Variants in MDGA2 observed in about 807,000 individuals in gnomAD.
MDGA2 encodes MAM domain containing glycosylphosphatidylinositol anchor 2, also known as MAM domain-containing glycosylphosphatidylinositol anchor protein 2.
In MDGA2, 40 loss-of-function variants were observed where a neutral mutation model predicts 117.8. The observed-to-expected ratio is 0.34, with a 90% CI of 0.26 to 0.44. The LOEUF (loss-of-function observed/expected upper bound fraction) is 0.44. Among genes scored for constraint, MDGA2 ranks in the 20% least tolerant of loss-of-function variants. The probability of loss-of-function intolerance (pLI) is 1.00; values close to 1 mark genes in which losing one functional copy is unlikely to be tolerated. For missense variants in MDGA2, 1,123 were observed against 1,250.6 expected (o/e 0.90, Z 1.54); for synonymous variants, 452 against 439.0 (o/e 1.03, Z -0.37).
At chr14:47,652,610 A>G (rs1196311217) in intron 1 of MDGA2, among the ~76,000 whole-genome samples, 1 of 152,178 alleles carries the variant, frequency 6.6e-6, no homozygotes, top group Non-Finnish European at 1.5e-5. Flanking sequence ...AAATTTCATT[A>G]AAGTTTCAGG....
Position 46,841,178 on chromosome 14 carries a change from G to GT in MDGA2, c.*752dup, listed in dbSNP as rs1435342063. The GT allele has an allele frequency of 1.3e-5, 2 of 152,576 alleles. No homozygotes were observed. The highest frequency in any genetic ancestry group is 2.9e-5 in the Non-Finnish European group (2 of 68,030). The allele number at this position is 152,576 out of a possible 1,614,324, so 9.5% of individuals were successfully genotyped here. A position where few individuals can be genotyped will look rare whatever the true frequency, so the allele number is the denominator to read the frequency against. On this transcript the variant is annotated 3_prime_UTR_variant, in exon 17 of 17. Transcript: ENST00000399232. The stretch of plus-strand genomic sequence containing the variant: ...TTTCTTCATTGGAACAGATGACGTA[G>GT]TTTGGGTGTTCAAGTGGCCGCAAGC...
chr14:47,448,889 C>A (rs1893182551), intron 1 of MDGA2, among the ~76,000 whole-genome samples: 1 of 151,982 alleles, frequency 6.6e-6, no homozygotes, highest in African/African-American at 2.4e-5. Context: ...TAGTTAGTGT[C>A]AGAATTTCAT....
chr14:47,637,731 T>G lies in MDGA2; in HGVS notation c.280+36786A>C, dbSNP rs113175909. Among the ~76,000 whole-genome samples the G allele has an allele frequency of 7.9e-5, 12 of 152,334 alleles. 2 individuals are homozygous for G. The highest frequency in any genetic ancestry group is 2.6e-4 in the African/African-American group (11 of 41,592). The stretch of plus-strand genomic sequence containing the variant: ...TAGAAAATGTTATCCAAATTGTAAG[T>G]GCAAGTTAGTTTTTAGATAGTGTCA... On this transcript the variant is annotated intron_variant, in intron 1 of 16. Transcript: ENST00000399232.
At chr14:47,670,228 A>C (rs1163025222) in intron 1 of MDGA2, among the ~76,000 whole-genome samples, 1 of 152,180 alleles carries the variant, frequency 6.6e-6, no homozygotes. Flanking sequence ...ATTTTTGGAC[A>C]GTGAATTAAC....
At chr14:47,252,026 C>G (rs1168913101) in intron 2 of MDGA2, among the ~76,000 whole-genome samples, 1 of 151,980 alleles carries the variant, frequency 6.6e-6, no homozygotes, top group African/African-American at 2.4e-5. Context: ...AGTGACCTTT[C>G]CCTCACCCCA....
At chr14:47,570,359 A>G (rs1203603467) in intron 1 of MDGA2, among the ~76,000 whole-genome samples, 1 of 152,160 alleles carries the variant, frequency 6.6e-6, no homozygotes, top group Non-Finnish European at 1.5e-5. Context: ...TGCTACTATC[A>G]TATTCAAATA....
At chr14:46,962,322 TC>T (rs1885844272) in intron 8 of MDGA2, among the ~76,000 whole-genome samples, 1 of 152,146 alleles carries the variant, frequency 6.6e-6, no homozygotes, top group African/African-American at 2.4e-5. Context: ...TTTCCTGCAC[TC>T]CCTTGGGAGT....
chr14:47,267,181 T>A (rs952023044), intron 2 of MDGA2, among the ~76,000 whole-genome samples: 1 of 152,178 alleles, frequency 6.6e-6, no homozygotes, highest in Non-Finnish European at 1.5e-5. Flanking sequence ...CAGTAAAAGC[T>A]ATTTTGACCT....
chr14:47,166,541 CA>C (rs1221169653), intron 3 of MDGA2, among the ~76,000 whole-genome samples: 1 of 152,132 alleles, frequency 6.6e-6, no homozygotes, highest in African/African-American at 2.4e-5. Context: ...CAGTCATCAG[CA>C]TTATCTGGTC....
intron 1 of MDGA2, among the ~76,000 whole-genome samples, chr14:47,563,578 G>GTTTTTTTTTTTTTTTTTTTTTTTT (rs56244321): frequency 1.8e-5 from 1 of 56,974 alleles, no homozygotes; most frequent in Non-Finnish European, 3.2e-5. Context: ...GCTTTTTTCT[G>GTTTTTTTTTTTTTTTTTTTTTTTT]TTTTTTTTTT....
intron 1 of MDGA2, among the ~76,000 whole-genome samples, chr14:47,490,643 T>G: frequency 6.6e-6 from 1 of 152,006 alleles, no homozygotes; most frequent in East Asian, 1.9e-4. Flanking sequence ...AGAAGTAACA[T>G]TAAAGGTGTT....
At chr14:46,856,215 A>T (rs1298616752) in intron 14 of MDGA2, among the ~76,000 whole-genome samples, 1 of 152,112 alleles carries the variant, frequency 6.6e-6, no homozygotes, top group Non-Finnish European at 1.5e-5. Flanking sequence ...CTTACATCTT[A>T]ATCACTAGGC....
chr14:46,839,901 G>T (rs574079816), downstream of MDGA2, among the ~76,000 whole-genome samples: 1 of 151,902 alleles, frequency 6.6e-6, no homozygotes, highest in South Asian at 2.1e-4. Context: ...ACCTTCAAAG[G>T]TTTAACTGCT....
intron 1 of MDGA2, among the ~76,000 whole-genome samples, chr14:47,668,384 G>A (rs895109934): frequency 2.6e-5 from 4 of 152,092 alleles, no homozygotes; most frequent in African/African-American, 9.7e-5. Context: ...GAATACAACT[G>A]GACCCTGGAG....
intron 6 of MDGA2, among the ~76,000 whole-genome samples, chr14:47,064,510 T>C (rs1388511612): frequency 2.0e-5 from 3 of 152,078 alleles, no homozygotes; most frequent in Non-Finnish European, 4.4e-5. Flanking sequence ...TTTTGTTTTC[T>C]TACTTAGCTC....
Position 47,623,757 on chromosome 14 carries a change from T to C in MDGA2, c.280+50760A>G, listed in dbSNP as rs1162513906. Among the ~76,000 whole-genome samples, 4 of 152,208 alleles carry C rather than the reference T, an allele frequency of 2.6e-5. No individual in the cohort carries two copies. In the East Asian group the frequency reaches 7.7e-4, roughly 29 times the overall value. On this transcript the variant is annotated intron_variant, in intron 1 of 16. Transcript: ENST00000399232. ...TTAACACTTGCCTAAAATCCCAATGTGAGTTTGTAATGGATTATAATTAAA... is the reference window on the plus strand; with the variant it reads ...TTAACACTTGCCTAAAATCCCAATGCGAGTTTGTAATGGATTATAATTAAA...
chr14:47,353,659 C>T lies in MDGA2; in HGVS notation c.281-52109G>A, dbSNP rs149635561. 7.9e-5 allele frequency among the ~76,000 whole-genome samples: 12 copies of T among 152,174 alleles called. No individual in the cohort carries two copies. In the East Asian group the frequency reaches 9.7e-4, roughly 12 times the overall value. On this transcript the variant is annotated intron_variant, in intron 1 of 16. Coordinates refer to ENST00000399232, the MANE Select transcript of MDGA2 (RefSeq NM_001113498.3). ...CAATAACAACAACAACAAAAGAAACCGTAGCAGTAAACAGCTTGCAACAAA... is the reference window on the plus strand; with the variant it reads ...CAATAACAACAACAACAAAAGAAACTGTAGCAGTAAACAGCTTGCAACAAA...
chr14:47,486,609 A>T (rs575246105), intron 1 of MDGA2, among the ~76,000 whole-genome samples: 1 of 152,198 alleles, frequency 6.6e-6, no homozygotes, highest in African/African-American at 2.4e-5. Context: ...AAGTCTCATC[A>T]TACAGCTCCC....
chr14:47,416,167 G>A (rs1003516531), intron 1 of MDGA2, among the ~76,000 whole-genome samples: 3 of 152,116 alleles, frequency 2.0e-5, no homozygotes, highest in Non-Finnish European at 2.9e-5. Context: ...AGATATGGAT[G>A]AGACGAAAGG....
Sources: gnomAD v4.1 joint callset for allele counts (sites outside exome capture counted in the v4.1 genomes callset) on GRCh38, gnomAD v4.1.1 for gene constraint, MANE v1.5 for transcripts, NCBI Gene and HGNC (gene_info 2026-07-23, HGNC 2026-07-21) for gene names.